Variants in PRKG1 observed in about 807,000 individuals in gnomAD.
PRKG1 encodes the protein protein kinase cGMP-dependent 1.
In PRKG1, 35 loss-of-function variants were observed where a neutral mutation model predicts 88.1. The observed-to-expected ratio is 0.40, with a 90% CI of 0.30 to 0.53. The LOEUF (loss-of-function observed/expected upper bound fraction) is 0.53. Ranked by LOEUF, PRKG1 falls within the 20% of genes least tolerant of loss-of-function variation. The probability of loss-of-function intolerance (pLI) is 0.59; values close to 1 mark genes in which losing one functional copy is unlikely to be tolerated. For missense variants in PRKG1, 540 were observed against 839.8 expected (o/e 0.64, Z 4.41); for synonymous variants, 303 against 292.5 (o/e 1.04, Z -0.37).
chr10:51,047,128 A>T (rs1364405850), intron 1 of PRKG1, among the ~76,000 whole-genome samples: 1 of 152,172 alleles, frequency 6.6e-6, no homozygotes, highest in Admixed American at 6.5e-5. Context: ...CTTTGTGGTC[A>T]CTTATTGGTC....
chr10:51,413,816 C>G (rs1838168499), intron 2 of PRKG1, among the ~76,000 whole-genome samples: 1 of 152,118 alleles, frequency 6.6e-6, no homozygotes, highest in Admixed American at 6.5e-5. Context: ...TCAACTTTTG[C>G]TGCATTTCTT....
intron 7 of PRKG1, among the ~76,000 whole-genome samples, chr10:52,076,926 G>A (rs1486428722): frequency 6.6e-6 from 1 of 150,628 alleles, no homozygotes; most frequent in East Asian, 1.9e-4. Flanking sequence ...TAAAAGGATT[G>A]ATCATATAAA....
At chr10:51,862,594 T>C (rs913765221) in intron 4 of PRKG1, among the ~76,000 whole-genome samples, 2 of 152,120 alleles carry the variant, frequency 1.3e-5, no homozygotes. Flanking sequence ...TGCATGATGA[T>C]TGGTCCATGG....
In PRKG1 at chr10:51,078,649, C is replaced by A. The variant is rs867073645; in HGVS notation, c.311+3748C>A. Among the ~76,000 whole-genome samples the A allele has an allele frequency of 4.1e-4, 62 of 150,752 alleles. 1 individual carries two copies. Among genetic ancestry groups the A allele is most frequent in the Middle Eastern group, 6.9e-3 (2 of 288 alleles). On this transcript the variant is annotated intron_variant, in intron 1 of 17. Transcript: ENST00000373980. ...ATTTATTTATTGAGACGGAGTCTCG[C>A]TCTATCGCCCAGGCTGGAGTGCAGT...
intron 7 of PRKG1, among the ~76,000 whole-genome samples, chr10:52,098,605 G>A (rs1847226821): frequency 6.6e-6 from 1 of 152,210 alleles, no homozygotes; most frequent in African/African-American, 2.4e-5. Context: ...GAGGTCAGGA[G>A]TTCGAGATAG....
intron 1 of PRKG1, among the ~76,000 whole-genome samples, chr10:50,998,590 A>G (rs916440541): frequency 6.6e-6 from 1 of 152,238 alleles, no homozygotes; most frequent in Non-Finnish European, 1.5e-5. Context: ...TCTACTAAAA[A>G]TACAAAAATT....
intron 7 of PRKG1, among the ~76,000 whole-genome samples, chr10:52,098,923 G>T (rs1485972367): frequency 6.6e-6 from 1 of 152,134 alleles, no homozygotes; most frequent in Non-Finnish European, 1.5e-5. Flanking sequence ...TATAATAAAA[G>T]AATCCAAATG....
intron 1 of PRKG1, among the ~76,000 whole-genome samples, chr10:51,121,088 C>T (rs1451222999): frequency 1.3e-5 from 2 of 152,178 alleles, no homozygotes; most frequent in Admixed American, 1.3e-4. Context: ...TCCAGTCTTT[C>T]TCATATTGCA....
chr10:51,543,075 G>A (rs1842351123), intron 3 of PRKG1, among the ~76,000 whole-genome samples: 1 of 152,116 alleles, frequency 6.6e-6, no homozygotes, highest in African/African-American at 2.4e-5. Context: ...GGGCCCCTTT[G>A]GGGTCAACAT....
intron 5 of PRKG1, among the ~76,000 whole-genome samples, chr10:51,981,095 A>AGT (rs1451316445): frequency 1.3e-5 from 2 of 152,016 alleles, no homozygotes; most frequent in Admixed American, 6.6e-5. Flanking sequence ...TGTGTACCTA[A>AGT]GTGTGTGTGT....
At chr10:52,069,241 T>C (rs2133282236) in intron 7 of PRKG1, among the ~76,000 whole-genome samples, 1 of 152,294 alleles carries the variant, frequency 6.6e-6, no homozygotes, top group East Asian at 1.9e-4. Flanking sequence ...AAAAAATTAA[T>C]AAAATTTTGC....
intron 9 of PRKG1, among the ~76,000 whole-genome samples, chr10:52,247,611 C>T (rs530942246): frequency 2.0e-5 from 3 of 152,102 alleles, no homozygotes; most frequent in Non-Finnish European, 4.4e-5. Context: ...ATGAAAATGT[C>T]CCTCCCAGTT....
At chr10:51,469,917 C>T (rs1009402378) in intron 3 of PRKG1, among the ~76,000 whole-genome samples, 2 of 151,910 alleles carry the variant, frequency 1.3e-5, no homozygotes, top group Non-Finnish European at 2.9e-5. Context: ...CTGTGCGCAA[C>T]TGTTTCTTCC....
rs147844352 is a variant in PRKG1 at position 51,685,961 on chromosome 10, AGTTTCACAATCCTGCTT to A, written c.593-118622_593-118606del. 3.3e-3 allele frequency among the ~76,000 whole-genome samples: 504 copies of A among 152,234 alleles called. 5 individuals carry two copies. The highest frequency in any genetic ancestry group is 0.012 in the African/African-American group (486 of 41,556). On this transcript the variant is annotated intron_variant, in intron 3 of 17. Transcript: ENST00000373980. ...ACAGTGCTGGCCCTGAAAGGAGATC[AGTTTCACAATCCTGCTT>A]GGCTGGCATGGGCTGAGTCACTGAC...
intron 1 of PRKG1, among the ~76,000 whole-genome samples, chr10:51,095,578 G>A (rs1464284429): frequency 1.3e-5 from 2 of 152,102 alleles, no homozygotes; most frequent in Non-Finnish European, 2.9e-5. Context: ...AACAGCAATT[G>A]CAGTTATTTT....
chr10:51,979,572 A>G (rs1404079779), intron 5 of PRKG1, among the ~76,000 whole-genome samples: 5 of 124,448 alleles, frequency 4.0e-5, no homozygotes, highest in Non-Finnish European at 8.4e-5. Context: ...TCCTTTGTAT[A>G]TCTGATAGAG....
chr10:51,730,285 T>G (rs1410471691), intron 3 of PRKG1, among the ~76,000 whole-genome samples: 1 of 152,212 alleles, frequency 6.6e-6, no homozygotes, highest in Non-Finnish European at 1.5e-5. Context: ...TGCATTGCTT[T>G]GTACTGGCTT....
intron 8 of PRKG1, among the ~76,000 whole-genome samples, chr10:52,147,482 G>C (rs920978566): frequency 5.3e-5 from 8 of 152,220 alleles, no homozygotes; most frequent in Non-Finnish European, 1.0e-4. Context: ...AAGACCCAGT[G>C]ACTTGGTCAG....
chr10:51,957,795 TCA>T (rs1240638070), intron 5 of PRKG1, among the ~76,000 whole-genome samples: 3 of 152,174 alleles, frequency 2.0e-5, no homozygotes, highest in Non-Finnish European at 4.4e-5. Flanking sequence ...TCCAATGAAA[TCA>T]CAGTTTGTAA....
Sources: gnomAD v4.1 joint callset for allele counts (sites outside exome capture counted in the v4.1 genomes callset) on GRCh38, gnomAD v4.1.1 for gene constraint, MANE v1.5 for transcripts, NCBI Gene and HGNC (gene_info 2026-07-23, HGNC 2026-07-21) for gene names.